Variants in CELSR3 observed in about 807,000 individuals in gnomAD.
The protein encoded by CELSR3 is cadherin EGF LAG seven-pass G-type receptor 3.
CELSR3 carries 73 observed loss-of-function variants against 270.0 expected under a neutral mutation model. The observed-to-expected ratio is 0.27, with a 90% CI of 0.22 to 0.33. The LOEUF (loss-of-function observed/expected upper bound fraction) is 0.33, where lower values mean the gene tolerates loss of function less well. Among genes scored for constraint, CELSR3 ranks in the 10% least tolerant of loss-of-function variants. CELSR3 has a pLI of 1.00. For missense variants in CELSR3, 3,614 were observed against 4,533.8 expected, an observed-to-expected ratio of 0.80 and a Z score of 5.83; for synonymous variants, 1,780 against 1,905.4, an observed-to-expected ratio of 0.93 and a Z score of 1.71.
chr3:48,652,521 G>A lies in CELSR3; in HGVS notation c.5667C>T (p.Gly1889=), dbSNP rs373107825. 3.7e-6 allele frequency: 6 copies of A among 1,613,152 alleles called. No individual in the cohort carries two copies. The African/African-American group carries it at 6.7e-5, about 18-fold the overall frequency. ...CCACGTGGAGCTGCTTTACCTTCAG[G>A]CCCTGCAGCTCACTCCCCACCGCCA... ...DTMAVGSELQ[G]LKVKQLHVGG... is the part of the protein sequence containing the mutation. The change falls in exon 11 of 35, where the codon GGC becomes GGT. Residue 1889 remains glycine, a synonymous_variant. Transcript: ENST00000164024. The surrounding 1 kb of genome is among the most constrained non-coding windows in gnomAD (Gnocchi z 4.3).
chr3:48,656,403 C>T (rs1467810529), intron 2 of CELSR3, 38 bp from the exon 3 acceptor site: 2 of 1,385,444 alleles, frequency 1.4e-6, no homozygotes, highest in Non-Finnish European at 1.9e-6. Flanking sequence ...GTCACGCCCA[C>T]GCCCGCCCCT....
In CELSR3 at chr3:48,650,441, C is replaced by T. The variant is rs1309383392; in HGVS notation, c.6472+39G>A. The T allele has an allele frequency of 9.6e-6, 7 of 730,236 alleles. No homozygotes were observed. In the East Asian group the frequency reaches 1.2e-4, roughly 13 times the overall value. The allele number at this position is 730,236 out of a possible 1,614,324, so 45.2% of individuals were successfully genotyped here. On this transcript the variant is annotated intron_variant, in intron 16 of 34. Transcript: ENST00000164024. The surrounding 1 kb of genome is among the most constrained non-coding windows in gnomAD (Gnocchi z 5.1). ...TCTAGCAGTCAGAGTACAGGCCCAC[C>T]CCCACCCTCAGTGATGTCCTTTCCC...
rs187730391 is a variant in CELSR3 at position 48,648,039 on chromosome 3, C to T, written c.6974-43G>A. The T allele has an allele frequency of 1.1e-5, 17 of 1,605,098 alleles. No individual in the cohort carries two copies. The Admixed American group carries it at 1.3e-4, about 13-fold the overall frequency. ...AGGGGAGGCCCATCATGGACCTCTT[C>T]CCCCTGCCAAGGGTTCTACTCCCTC... is the stretch of plus-strand genomic sequence containing the variant. On this transcript the variant is annotated intron_variant, in intron 19 of 34. Transcript: ENST00000164024.
Position 48,655,833 on chromosome 3 carries a change from C to G in CELSR3, c.4644G>C (p.Gln1548His). The G allele has an allele frequency of 7.5e-7, 1 of 1,334,090 alleles. No individual in the cohort carries two copies. Among genetic ancestry groups the G allele is most frequent in the Non-Finnish European group, 1.0e-6 (1 of 996,362 alleles). 82.6% of individuals were successfully genotyped at this position (1,334,090 alleles called of 1,614,324 possible). A position where few individuals can be genotyped will look rare whatever the true frequency, so the allele number is the denominator to read the frequency against. The change falls in exon 4 of 35, where the codon CAG (glutamine) becomes CAC (histidine). Residue 1548 changes from glutamine (Q) to histidine (H), a missense_variant. Transcript: ENST00000164024. This position sits in a 1 kb window ranked among gnomAD's most constrained non-coding sequence, Gnocchi z 5.8. ...TLSLSFATVQQSGLLFYNGRL... is the reference protein window; with the variant it reads ...TLSLSFATVQHSGLLFYNGRL... ...GCCCGTTGTAGAAGAGCAGCCCGCT[C>G]TGCTGCACTGTCGCGAACCTGGGCG...
intron 17 of CELSR3, 79 bp from the exon 18 acceptor site, chr3:48,649,007 A>G: frequency 6.4e-7 from 1 of 1,557,654 alleles, no homozygotes; most frequent in Non-Finnish European, 8.8e-7. Flanking sequence ...GCCTTGCCAG[A>G]TTAAAGGGCA....
chr3:48,648,249 C>CCCCA lies in CELSR3; in HGVS notation c.6973+13_6973+16dup. 1 of 728,362 alleles carries CCCCA rather than the reference C, an allele frequency of 1.4e-6. No individual in the cohort carries two copies. The highest frequency in any genetic ancestry group is 2.3e-6 in the Non-Finnish European group (1 of 433,736). The allele number at this position is 728,362 out of a possible 1,614,324, so 45.1% of individuals were successfully genotyped here. ...GGCCCCCCTGCTGTGCCCCGCCCTA[C>CCCCA]CCCACCCACAACGCACTGATATTAG... On this transcript the variant is annotated intron_variant, in intron 19 of 34. Coordinates refer to ENST00000164024, the MANE Select transcript of CELSR3 (RefSeq NM_001407.3).
Position 48,644,791 on chromosome 3 carries a change from G to A in CELSR3, c.8010C>T (p.Asn2670=), listed in dbSNP as rs200375013. 2.5e-6 allele frequency: 4 copies of A among 1,613,488 alleles called. No individual in the cohort carries two copies. Among genetic ancestry groups the A allele is most frequent in the East Asian group, 2.2e-5 (1 of 44,874 alleles). The part of the protein sequence containing the change: ...AVGLDPEGYG[N]PDFCWISVHE... Reference sequence around the variant, plus strand: ...GGACTGAGATCCAGCAGAAGTCAGGGTTCCCATAGCCCTCAGGGTCCAGGC... The same window carrying A: ...GGACTGAGATCCAGCAGAAGTCAGGATTCCCATAGCCCTCAGGGTCCAGGC... The change falls in exon 26 of 35, where the codon AAC becomes AAT. Residue 2670 remains asparagine, a synonymous_variant. Coordinates refer to ENST00000164024, the MANE Select transcript of CELSR3 (RefSeq NM_001407.3). The surrounding 1 kb of genome is among the most constrained non-coding windows in gnomAD (Gnocchi z 4.8).
At position 48,646,999 on chromosome 3, in the gene CELSR3, C is replaced by A; in HGVS notation, c.7130-71G>T. The A allele has an allele frequency of 7.2e-7, 1 of 1,391,436 alleles. No homozygotes were observed. 86.2% of individuals were successfully genotyped at this position (1,391,436 alleles called of 1,614,324 possible). ...AAGCACCCACCAACCCAGCTCTGAACCCGATCAAGCATGGGGGTCTCTTCC... is the reference window on the plus strand; with the variant it reads ...AAGCACCCACCAACCCAGCTCTGAAACCGATCAAGCATGGGGGTCTCTTCC... On this transcript the variant is annotated intron_variant, in intron 20 of 34. Coordinates refer to ENST00000164024, the MANE Select transcript of CELSR3 (RefSeq NM_001407.3). The surrounding 1 kb of genome is among the most constrained non-coding windows in gnomAD (Gnocchi z 4.8).
Position 48,659,187 on chromosome 3 carries a change from C to A in CELSR3, c.3448G>T (p.Val1150Phe), listed in dbSNP as rs1387542535. 1.2e-6 allele frequency: 2 copies of A among 1,614,040 alleles called. No homozygotes were observed. Among genetic ancestry groups the A allele is most frequent in the Non-Finnish European group, 1.7e-6 (2 of 1,180,044 alleles). ...CGGACGTGCACAGTGGCCCGGCTGA[C>A]CAAAGGAGCAGATGTGGCCTGCACC... ...IVVQATSAPLVSRATVHVRLV... is the reference protein window; with the variant it reads ...IVVQATSAPLFSRATVHVRLV... The change falls in exon 1 of 35, where the codon GTC (valine) becomes TTC (phenylalanine). Residue 1150 changes from valine (V) to phenylalanine (F), a missense_variant. Physicochemically the swap from Val to Phe is conservative, Grantham distance 50 (BLOSUM62 -1). Transcript: ENST00000164024. The surrounding 1 kb of genome is among the most constrained non-coding windows in gnomAD (Gnocchi z 8.1).
Position 48,645,021 on chromosome 3 carries a change from GT to G in CELSR3, c.7972+13del, listed in dbSNP as rs1263203697. On this transcript the variant is annotated intron_variant, in intron 25 of 34. Coordinates refer to ENST00000164024, the MANE Select transcript of CELSR3 (RefSeq NM_001407.3). This position sits in a 1 kb window ranked among gnomAD's most constrained non-coding sequence, Gnocchi z 5.4. ...GCCATGTGATGGTTGGAGGTTGGGGGTCACAGCCCTCACCCAGCAGCACAGC... is the reference window on the plus strand; with the variant it reads ...GCCATGTGATGGTTGGAGGTTGGGGGCACAGCCCTCACCCAGCAGCACAGC... 2 of 1,565,646 alleles carry G rather than the reference GT, an allele frequency of 1.3e-6. No homozygotes were observed. Among genetic ancestry groups the G allele is most frequent in the African/African-American group, 2.7e-5 (2 of 74,176 alleles).
In CELSR3 at chr3:48,652,017, G is replaced by A. The variant is rs1007110082; in HGVS notation, c.5783C>T (p.Ser1928Phe). Residue 1928 changes from serine (S) to phenylalanine (F), a missense_variant, in exon 12 of 35, where the codon TCC becomes TTC. Around this residue, in one of 7 missense-constraint regions of CELSR3, gnomAD observed 1,331 missense variants for 1,933.7 expected, o/e 0.69. Transcript: ENST00000164024. This position sits in a 1 kb window ranked among gnomAD's most constrained non-coding sequence, Gnocchi z 4.3. ...GVWLGSTPSG[S>F]PALLPPSHRV... The stretch of plus-strand genomic sequence containing the variant: ...GTGGCTGGGGGGTAGCAGGGCCGGG[G>A]AGCCAGAGGGTGTGGAGCCGAGCCA... The A allele has an allele frequency of 1.3e-6, 2 of 1,577,174 alleles. No homozygotes were observed. The highest frequency in any genetic ancestry group is 1.7e-6 in the Non-Finnish European group (2 of 1,164,666).
At position 48,651,694 on chromosome 3, in the gene CELSR3, T is replaced by C. The variant is rs907904616; in HGVS notation, c.5948A>G (p.Asp1983Gly). The change falls in exon 13 of 35, where the codon GAT becomes GGT. Residue 1983 changes from aspartate to glycine, a missense_variant. By Grantham distance (94) the Asp-to-Gly change is moderately conservative. This residue lies in a region of CELSR3 where 1,331 missense variants were observed against 1,933.7 expected (regional missense o/e 0.69). Transcript: ENST00000164024. This position sits in a 1 kb window ranked among gnomAD's most constrained non-coding sequence, Gnocchi z 7.4. The part of the protein sequence containing the change: ...QPGYYGPGCV[D>G]ACLLNPCQNQ... ...CTGACAGGGGTTCAGGAGGCAGGCA[T>C]CCACACAGCCTGGGCCGTAGTAACC... is the stretch of plus-strand genomic sequence containing the variant. 8 of 1,564,336 alleles carry C rather than the reference T, an allele frequency of 5.1e-6. No homozygotes were observed. In the Admixed American group the frequency reaches 5.9e-5, roughly 12 times the overall value.
rs1321035153 is a variant in CELSR3 at position 48,637,986 on chromosome 3, C to T, written c.*219G>A. On this transcript the variant is annotated 3_prime_UTR_variant, in exon 35 of 35. Coordinates refer to ENST00000164024, the MANE Select transcript of CELSR3 (RefSeq NM_001407.3). ...TCTCTCTGGTTACAAAGGTACAAAA[C>T]GTATAAAAGTCTCCCTCCAGTCCCC... 28 of 474,552 alleles carry T rather than the reference C, an allele frequency of 5.9e-5. No individual in the cohort carries two copies. The highest frequency in any genetic ancestry group is 1.0e-4 in the Non-Finnish European group (26 of 259,470). The allele number at this position is 474,552 out of a possible 1,614,324, so 29.4% of individuals were successfully genotyped here. A position where few individuals can be genotyped will look rare whatever the true frequency, so the allele number is the denominator to read the frequency against.
Position 48,659,857 on chromosome 3 carries a change from G to C in CELSR3, c.2778C>G (p.Thr926=). The C allele has an allele frequency of 6.2e-7, 1 of 1,614,210 alleles. No individual in the cohort carries two copies. The highest frequency in any genetic ancestry group is 8.5e-7 in the Non-Finnish European group (1 of 1,180,030). ...QAPLDYEDQV[T]YTLAITARDN... ...CCCGAGCTGTGATAGCCAGGGTGTAGGTCACCTGGTCCTCATAGTCTAATG... is the reference window on the plus strand; with the variant it reads ...CCCGAGCTGTGATAGCCAGGGTGTACGTCACCTGGTCCTCATAGTCTAATG... Residue 926 remains threonine, a synonymous_variant, in exon 1 of 35, where the codon ACC becomes ACG. Transcript: ENST00000164024. This position sits in a 1 kb window ranked among gnomAD's most constrained non-coding sequence, Gnocchi z 8.1.
In CELSR3 at chr3:48,636,673, C is replaced by G. The variant is rs1437096128; in HGVS notation, c.*1532G>C. ...CTTCTCGGTAAGGAGAGTTTGGGTCCTGGCTGGTGGGATTTAGCTCCAGTC... is the reference window on the plus strand; with the variant it reads ...CTTCTCGGTAAGGAGAGTTTGGGTCGTGGCTGGTGGGATTTAGCTCCAGTC... On this transcript the variant is annotated 3_prime_UTR_variant, in exon 35 of 35. Coordinates refer to ENST00000164024, the MANE Select transcript of CELSR3 (RefSeq NM_001407.3). 6.6e-6 allele frequency: 1 copy of G among 152,220 alleles called. No individual in the cohort carries two copies. The highest frequency in any genetic ancestry group is 1.5e-5 in the Non-Finnish European group (1 of 68,054). 9.4% of individuals were successfully genotyped at this position (152,220 alleles called of 1,614,324 possible).
rs2077040569 is a variant in CELSR3 at position 48,658,482 on chromosome 3, T to C, written c.3748+405A>G. On this transcript the variant is annotated intron_variant, in intron 1 of 34. Transcript: ENST00000164024. The surrounding 1 kb of genome is among the most constrained non-coding windows in gnomAD (Gnocchi z 4.7). Reference sequence around the variant, plus strand: ...AAGTATTGGTCATTTCCTGCACAGATAGGGTAAGCGTCAGACTGGACCCAA... The same window carrying C: ...AAGTATTGGTCATTTCCTGCACAGACAGGGTAAGCGTCAGACTGGACCCAA... Among the ~76,000 whole-genome samples the C allele has an allele frequency of 6.6e-6, 1 of 152,146 alleles. No individual in the cohort carries two copies. Among genetic ancestry groups the C allele is most frequent in the African/African-American group, 2.4e-5 (1 of 41,432 alleles).
chr3:48,645,418 A>G lies in CELSR3; in HGVS notation c.7797+25T>C. 6.2e-6 allele frequency: 10 copies of G among 1,612,090 alleles called. No homozygotes were observed. Among genetic ancestry groups the G allele is most frequent in the Non-Finnish European group, 8.5e-6 (10 of 1,179,298 alleles). The stretch of plus-strand genomic sequence containing the variant: ...TGGGCCAGTAGGGTCATCAGGACAC[A>G]AGTTCCCTGGCCCTGATCCTGCACC... On this transcript the variant is annotated intron_variant, in intron 24 of 34. Coordinates refer to ENST00000164024, the MANE Select transcript of CELSR3 (RefSeq NM_001407.3). The surrounding 1 kb of genome is among the most constrained non-coding windows in gnomAD (Gnocchi z 5.4).
chr3:48,641,593 T>C lies in CELSR3; in HGVS notation c.8825-69A>G. ...AGTGACTCATGACCCCTGACCCTAATGACCCTTGAAACCCTGGCTGTTCTC... is the reference window on the plus strand; with the variant it reads ...AGTGACTCATGACCCCTGACCCTAACGACCCTTGAAACCCTGGCTGTTCTC... On this transcript the variant is annotated intron_variant, in intron 32 of 34. Transcript: ENST00000164024. This position sits in a 1 kb window ranked among gnomAD's most constrained non-coding sequence, Gnocchi z 4.8. The C allele has an allele frequency of 8.2e-7, 1 of 1,219,148 alleles. No individual in the cohort carries two copies. Among genetic ancestry groups the C allele is most frequent in the Non-Finnish European group, 1.2e-6 (1 of 840,100 alleles). The allele number at this position is 1,219,148 out of a possible 1,614,324, so 75.5% of individuals were successfully genotyped here.
At position 48,658,990 on chromosome 3, in the gene CELSR3, C is replaced by G; in HGVS notation, c.3645G>C (p.Glu1215Asp). The G allele has an allele frequency of 6.2e-7, 1 of 1,614,234 alleles. No homozygotes were observed. The highest frequency in any genetic ancestry group is 8.5e-7 in the Non-Finnish European group (1 of 1,180,042). ...TCTGGTTGACTACCAGCAGCTGCAG[C>G]TCATTGCCACGCTCAAAGGAGTAGA... ...HLFYSFERGNELQLLVVNQTS... is the reference protein window; with the variant it reads ...HLFYSFERGNDLQLLVVNQTS... The change falls in exon 1 of 35, where the codon GAG becomes GAC. Residue 1215 changes from glutamate (E) to aspartate (D), a missense_variant. Physicochemically the swap from Glu to Asp is conservative, Grantham distance 45. Around this residue, in one of 7 missense-constraint regions of CELSR3, gnomAD observed 1,331 missense variants for 1,933.7 expected, o/e 0.69. Coordinates refer to ENST00000164024, the MANE Select transcript of CELSR3 (RefSeq NM_001407.3). This position sits in a 1 kb window ranked among gnomAD's most constrained non-coding sequence, Gnocchi z 4.7.
Sources: allele counts gnomAD v4.1 joint callset (sites outside exome capture counted in the v4.1 genomes callset), GRCh38; gene constraint gnomAD v4.1.1; regional missense constraint gnomAD v4.1.1; non-coding constraint Gnocchi (gnomAD v3.1); transcripts MANE v1.5; gene names NCBI Gene and HGNC (gene_info 2026-07-23, HGNC 2026-07-21).